CSGALNACT1: variants seen among roughly 807,000 people sequenced by gnomAD.
CSGALNACT1 encodes beta4GalNAcT-1.
Under a neutral mutation model 51.0 loss-of-function variants are expected in CSGALNACT1, and 52 were observed. The observed-to-expected ratio is 1.02, with a 90% confidence interval of 0.82 to 1.29. The LOEUF (loss-of-function observed/expected upper bound fraction) is 1.29. Ranked by LOEUF, CSGALNACT1 falls within the 50% of genes most tolerant of loss-of-function variation. CSGALNACT1 has a pLI of 0.00. For missense variants in CSGALNACT1, 935 were observed against 679.2 expected, an observed-to-expected ratio of 1.38 and a Z score of -4.19; for synonymous variants, 341 against 254.4, an observed-to-expected ratio of 1.34 and a Z score of -3.24.
intron 1 of CSGALNACT1, among the ~76,000 whole-genome samples, chr8:19,681,659 C>T (rs2060629036): frequency 6.6e-6 from 1 of 152,198 alleles, no homozygotes; most frequent in Non-Finnish European, 1.5e-5. Flanking sequence ...TGCCTGACCT[C>T]GGCACTTGCA....
chr8:19,603,315 A>T (rs539828322), upstream of CSGALNACT1, among the ~76,000 whole-genome samples: 1 of 152,216 alleles, frequency 6.6e-6, no homozygotes, highest in East Asian at 1.9e-4. Context: ...GTGTATCACT[A>T]TAGAGGTTTA....
intron 1 of CSGALNACT1, among the ~76,000 whole-genome samples, chr8:19,718,329 T>C (rs1225582495): frequency 6.6e-6 from 1 of 152,120 alleles, no homozygotes; most frequent in Non-Finnish European, 1.5e-5. Context: ...CTTGAACTCC[T>C]GAACTCAAGT....
chr8:19,566,879 T>C (rs1438455737), intron 3 of CSGALNACT1, among the ~76,000 whole-genome samples: 1 of 152,122 alleles, frequency 6.6e-6, no homozygotes, highest in East Asian at 1.9e-4. Flanking sequence ...CCCCCCTTTT[T>C]CTAAGGATGA....
At chr8:19,730,608 G>A (rs1002387577) in intron 1 of CSGALNACT1, among the ~76,000 whole-genome samples, 1 of 152,226 alleles carries the variant, frequency 6.6e-6, no homozygotes, top group Non-Finnish European at 1.5e-5. Context: ...GCTGCCTGCT[G>A]TCTGTCGTTG....
chr8:19,471,818 A>G (rs2068252465), intron 4 of CSGALNACT1, among the ~76,000 whole-genome samples: 1 of 152,222 alleles, frequency 6.6e-6, no homozygotes, highest in Admixed American at 6.5e-5. Flanking sequence ...GAGGATGTTT[A>G]AGTCTAACTT....
intron 3 of CSGALNACT1, among the ~76,000 whole-genome samples, chr8:19,566,350 G>T (rs2041899092): frequency 6.6e-6 from 1 of 151,646 alleles, no homozygotes; most frequent in African/African-American, 2.4e-5. Flanking sequence ...GTCTTCAGAG[G>T]AAGCGTGGCC....
chr8:19,715,210 A>C (rs780323695), intron 1 of CSGALNACT1, among the ~76,000 whole-genome samples: 3 of 152,214 alleles, frequency 2.0e-5, no homozygotes, highest in Non-Finnish European at 4.4e-5. Context: ...CCACGAGAAC[A>C]GTATGGGGGA....
intron 4 of CSGALNACT1, among the ~76,000 whole-genome samples, chr8:19,502,231 A>G (rs983441664): frequency 2.0e-5 from 3 of 152,176 alleles, no homozygotes; most frequent in Non-Finnish European, 4.4e-5. Context: ...TCTCTGAGAG[A>G]TGGTTGCTTG....
Position 19,581,405 on chromosome 8 carries a change from A to C in CSGALNACT1, c.-297+9755T>G, listed in dbSNP as rs28661517. On this transcript the variant is annotated intron_variant, in intron 3 of 9. Coordinates refer to ENST00000454498, the Ensembl canonical transcript of CSGALNACT1. ...ATAAAGTTCAAATAATGTCCTCTTA[A>C]ACTCCCCAAATTAAAATGTTATATT... Among the ~76,000 whole-genome samples, 1,445 of 152,296 alleles carry C rather than the reference A, an allele frequency of 9.5e-3. 21 individuals carry two copies. Among genetic ancestry groups the C allele is most frequent in the African/African-American group, 0.032 (1,313 of 41,530 alleles).
At chr8:19,677,274 A>C (rs985877459) in intron 1 of CSGALNACT1, among the ~76,000 whole-genome samples, 1 of 152,070 alleles carries the variant, frequency 6.6e-6, no homozygotes, top group Non-Finnish European at 1.5e-5. Flanking sequence ...ACGCCTAGCT[A>C]ATTTTTTTAT....
intron 4 of CSGALNACT1, among the ~76,000 whole-genome samples, chr8:19,492,204 C>G (rs528633384): frequency 2.5e-4 from 38 of 152,302 alleles, no homozygotes; most frequent in Non-Finnish European, 3.5e-4. Flanking sequence ...CAGAGAAGCA[C>G]GTATCTAAGG....
chr8:19,429,867 C>A (rs1369400327), intron 6 of CSGALNACT1, among the ~76,000 whole-genome samples: 4 of 152,336 alleles, frequency 2.6e-5, no homozygotes, highest in Admixed American at 2.0e-4. Flanking sequence ...GTTCCAATTT[C>A]TCTGCCTCCT....
intron 1 of CSGALNACT1, among the ~76,000 whole-genome samples, chr8:19,720,471 C>T (rs1475738799): frequency 2.6e-5 from 4 of 152,182 alleles, no homozygotes; most frequent in African/African-American, 4.8e-5. Context: ...AATTGGGCCA[C>T]TTCACACTAA....
chr8:19,423,357 G>C (rs56258545), intron 6 of CSGALNACT1, among the ~76,000 whole-genome samples: 2 of 152,228 alleles, frequency 1.3e-5, no homozygotes, highest in East Asian at 1.9e-4. Context: ...GAAATGACGA[G>C]TCTACAAGTG....
At chr8:19,444,627 T>A (rs1325735035) in intron 5 of CSGALNACT1, among the ~76,000 whole-genome samples, 1 of 152,230 alleles carries the variant, frequency 6.6e-6, no homozygotes, top group Non-Finnish European at 1.5e-5. Flanking sequence ...ATCCTTGAGC[T>A]CTAAATGCAG....
intron 3 of CSGALNACT1, among the ~76,000 whole-genome samples, chr8:19,567,703 G>C (rs1048518874): frequency 2.6e-5 from 4 of 152,162 alleles, no homozygotes; most frequent in African/African-American, 9.7e-5. Context: ...ATTATTTACT[G>C]ATGTGTCTAT....
At chr8:19,530,770 G>C (rs1009973807) in intron 3 of CSGALNACT1, among the ~76,000 whole-genome samples, 2 of 152,184 alleles carry the variant, frequency 1.3e-5, no homozygotes, top group African/African-American at 2.4e-5. Context: ...TGTCCATGAA[G>C]TTAGTAAGAC....
rs778942732 is a variant in CSGALNACT1 at position 19,405,818 on chromosome 8, G to A, written c.1561C>T (p.Arg521Cys). Residue 521 changes from arginine (R) to cysteine (C), a missense_variant, in exon 10 of 10, where the codon CGC becomes TGC. Physicochemically the swap from Arg to Cys is radical, Grantham distance 180. Transcript: ENST00000454498. ...CTACTTGTCTTCTGTTTCTGTTTGC[G>A]AAGGTGAGCCTCTATCTCGTGCCTG... The A allele has an allele frequency of 2.7e-5, 43 of 1,613,968 alleles. No individual in the cohort carries two copies. The East Asian group carries it at 4.0e-4, about 15-fold the overall frequency.
chr8:19,648,918 C>A (rs527792530), intron 1 of CSGALNACT1, among the ~76,000 whole-genome samples: 1 of 152,270 alleles, frequency 6.6e-6, no homozygotes, highest in African/African-American at 2.4e-5. Flanking sequence ...TGCAGTAGCT[C>A]TATACCTAAT....
Sources: gnomAD v4.1 joint callset for allele counts (sites outside exome capture counted in the v4.1 genomes callset) on GRCh38, gnomAD v4.1.1 for gene constraint, MANE v1.5 for transcripts, NCBI Gene and HGNC (gene_info 2026-07-23, HGNC 2026-07-21) for gene names.